The following VPS37A variants were observed in gnomAD, a reference collection of about 807,000 sequenced individuals.
VPS37A encodes VPS37A subunit of ESCRT-I.
VPS37A carries 30 observed loss-of-function variants against 49.8 expected under a neutral mutation model. The observed-to-expected ratio is 0.60, with a 90% CI of 0.45 to 0.82. The LOEUF is 0.82. Among genes scored for constraint, VPS37A ranks in the 40% least tolerant of loss-of-function variants. The pLI is 0.00. For synonymous variants in VPS37A, 195 were observed against 160.6 expected (o/e 1.21, Z -1.62); for missense variants, 593 against 464.4 (o/e 1.28, Z -2.55).
chr8:17,282,869 A>G lies in VPS37A; in HGVS notation c.970-1604A>G, dbSNP rs10110023. 0.36 allele frequency among the ~76,000 whole-genome samples: 55,275 copies of G among 152,042 alleles called. 12,979 individuals are homozygous for G. The highest frequency in any genetic ancestry group is 0.66 in the East Asian group (3,426 of 5,158). On this transcript the variant is annotated intron_variant, in intron 9 of 11. Coordinates refer to ENST00000324849, the MANE Select transcript of VPS37A (RefSeq NM_152415.3). Reference sequence around the variant, plus strand: ...CATATGGAAACCACTTCATTAGACCATTGGTTCCGTGATGGAGGAATCTGT... The same window carrying G: ...CATATGGAAACCACTTCATTAGACCGTTGGTTCCGTGATGGAGGAATCTGT...
downstream of VPS37A, among the ~76,000 whole-genome samples, chr8:17,305,501 G>A (rs17124341): frequency 0.027 from 4,080 of 152,050 alleles, 187 homozygotes; most frequent in African/African-American, 0.093. Context: ...ATTCCCTTTC[G>A]ATATTCATGC....
chr8:17,322,970 G>C, the VPS37A span, among the ~76,000 whole-genome samples: 1 of 73,606 alleles, frequency 1.4e-5, no homozygotes, highest in Admixed American at 1.6e-4. Context: ...TTTTTTTTGA[G>C]ACAGTCTTGC....
At chr8:17,323,779 G>A in the VPS37A span, among the ~76,000 whole-genome samples, 2 of 152,260 alleles carry the variant, frequency 1.3e-5, no homozygotes, top group Middle Eastern at 3.4e-3. Flanking sequence ...AGAGCCTTAT[G>A]GAGAAAGCTC....
chr8:17,280,473 A>G (rs1422301583), intron 9 of VPS37A, 30 bp downstream of exon 9: 2 of 1,569,992 alleles, frequency 1.3e-6, no homozygotes, highest in African/African-American at 1.4e-5. Flanking sequence ...TCCCTTTGCC[A>G]TAGATTTTTT....
chr8:17,271,760 C>T (rs565572082), intron 4 of VPS37A, among the ~76,000 whole-genome samples: 1 of 152,332 alleles, frequency 6.6e-6, no homozygotes, highest in Admixed American at 6.5e-5. Flanking sequence ...CCCTAAGTGG[C>T]TGTTTTTCTT....
the VPS37A span, among the ~76,000 whole-genome samples, chr8:17,313,820 G>GCA: frequency 3.3e-5 from 5 of 152,112 alleles, no homozygotes; most frequent in Non-Finnish European, 7.4e-5. Flanking sequence ...AGAAGTTTCT[G>GCA]TCACCCAACC....
In VPS37A at chr8:17,276,426, G is replaced by A; in HGVS notation, c.672G>A (p.Met224Ile). Residue 224 changes from methionine to isoleucine, a missense_variant, in exon 6 of 12, where the codon ATG becomes ATA. Met to Ile is a conservative substitution (Grantham distance 10). Coordinates refer to ENST00000324849, the MANE Select transcript of VPS37A (RefSeq NM_152415.3). ...PTSQNGFGYK[M>I]PDVPDAFPEL... ...GCCAAAATGGTTTTGGGTACAAGAT[G>A]CCAGATGTCCCTGATGCATTTCCAG... 5 of 1,612,468 alleles carry A rather than the reference G, an allele frequency of 3.1e-6. No individual in the cohort carries two copies. Among genetic ancestry groups the A allele is most frequent in the Non-Finnish European group, 4.2e-6 (5 of 1,179,290 alleles).
chr8:17,284,592 C>T lies in VPS37A; in HGVS notation c.1089C>T (p.Leu363=), dbSNP rs765381486. The T allele has an allele frequency of 6.3e-7, 1 of 1,599,270 alleles. No individual in the cohort carries two copies. The highest frequency in any genetic ancestry group is 8.5e-7 in the Non-Finnish European group (1 of 1,175,122). ...LEGKMEIDDF[L]SSFMEKRTIC... ...GAAAGATGGAAATAGATGATTTTCT[C>T]AGTAGCTTCATGGAAAAGAGAACAG... Residue 363 remains leucine, a synonymous_variant, in exon 10 of 12, where the codon CTC becomes CTT. Transcript: ENST00000324849.
At chr8:17,294,617 C>T (rs988245217) in intron 11 of VPS37A, among the ~76,000 whole-genome samples, 4 of 152,128 alleles carry the variant, frequency 2.6e-5, no homozygotes, top group Admixed American at 6.5e-5. Context: ...TTGCGAAGAC[C>T]GTGGAAAAAG....
chr8:17,265,680 C>T (rs1813381187), intron 1 of VPS37A: 3 of 1,207,336 alleles, frequency 2.5e-6, no homozygotes, highest in Non-Finnish European at 2.3e-6. Context: ...CTCTTTACAT[C>T]ATCATCCCCC....
At chr8:17,314,550 A>G in the VPS37A span, among the ~76,000 whole-genome samples, 2 of 152,204 alleles carry the variant, frequency 1.3e-5, no homozygotes, top group African/African-American at 4.8e-5. Flanking sequence ...TTAATTTATC[A>G]GATGCCCTGC....
intron 1 of VPS37A, among the ~76,000 whole-genome samples, chr8:17,248,835 T>A (rs983260041): frequency 2.0e-5 from 3 of 152,194 alleles, no homozygotes; most frequent in African/African-American, 7.2e-5. Flanking sequence ...CAGAAAAGAA[T>A]GGCAGGCTGT....
At chr8:17,293,474 T>G (rs1263112988) in intron 11 of VPS37A, among the ~76,000 whole-genome samples, 1 of 152,120 alleles carries the variant, frequency 6.6e-6, no homozygotes, top group Non-Finnish European at 1.5e-5. Context: ...ATCAAACTCA[T>G]TCTCAGTCCA....
At chr8:17,265,609 A>G (rs1813376584) in intron 1 of VPS37A, among the ~76,000 whole-genome samples, 1 of 152,220 alleles carries the variant, frequency 6.6e-6, no homozygotes, top group Non-Finnish European at 1.5e-5. Context: ...GCTTCTGCTA[A>G]TGGTAAATTG....
At chr8:17,294,484 A>C (rs1816446762) in intron 11 of VPS37A, among the ~76,000 whole-genome samples, 1 of 152,124 alleles carries the variant, frequency 6.6e-6, no homozygotes, top group South Asian at 2.1e-4. Flanking sequence ...CTGGCATTCC[A>C]GGCAGTACGA....
intron 1 of VPS37A, chr8:17,248,301 G>A (rs774899371): frequency 1.5e-5 from 6 of 410,564 alleles, no homozygotes; most frequent in South Asian, 1.6e-5. Context: ...CGGCTCTCCT[G>A]TTGCCCAGGC....
intron 5 of VPS37A, 64 bp downstream of exon 5, chr8:17,275,022 A>G: frequency 1.4e-6 from 2 of 1,426,266 alleles, no homozygotes; most frequent in Admixed American, 1.8e-5. Flanking sequence ...ACACACCTTT[A>G]TTACATGCCT....
At chr8:17,302,976 G>A (rs1345168581), downstream of VPS37A, among the ~76,000 whole-genome samples, 1 of 151,988 alleles carries the variant, frequency 6.6e-6, no homozygotes, top group Non-Finnish European at 1.5e-5. Context: ...CTCCCAAAGT[G>A]CTGGGATTAT....
intron 1 of VPS37A, 120 bp downstream of exon 1, chr8:17,247,489 T>G: frequency 7.2e-7 from 1 of 1,383,124 alleles, no homozygotes; most frequent in Non-Finnish European, 9.7e-7. Flanking sequence ...TTTACCTCCC[T>G]TGGTTGTGGG....
Sources: allele counts gnomAD v4.1 joint callset (sites outside exome capture counted in the v4.1 genomes callset), GRCh38; gene constraint gnomAD v4.1.1; transcripts MANE v1.5; gene names NCBI Gene and HGNC (gene_info 2026-07-23, HGNC 2026-07-21).